NPAS3: variants seen among roughly 807,000 people sequenced by gnomAD.
The protein encoded by NPAS3 is neuronal PAS domain protein 3, also known as neuronal PAS domain-containing protein 3.
Under a neutral mutation model 73.1 loss-of-function variants are expected in NPAS3, and 14 were observed. The ratio of observed to expected loss-of-function variants is 0.19; its 90% CI spans 0.13 to 0.30. The LOEUF is 0.30. Ranked by LOEUF, NPAS3 falls within the 10% of genes least tolerant of loss-of-function variation. The pLI, the probability that NPAS3 is intolerant of heterozygous loss-of-function variation, is 1.00. For synonymous variants in NPAS3, 620 were observed against 541.5 expected (o/e 1.14, Z -2.01); for missense variants, 1,096 against 1,250.0 (o/e 0.88, Z 1.86).
In NPAS3 at chr14:33,558,635, C is replaced by A. The variant is rs568008850; in HGVS notation, c.469-1486C>A. 4.7e-3 allele frequency among the ~76,000 whole-genome samples: 711 copies of A among 151,242 alleles called. 6 individuals carry two copies. Among genetic ancestry groups the A allele is most frequent in the African/African-American group, 0.016 (680 of 41,270 alleles). ...ATCTGTATGCATACATATATATACACATATATATATAAGAATATATATAAT... is the reference window on the plus strand; with the variant it reads ...ATCTGTATGCATACATATATATACAAATATATATATAAGAATATATATAAT... On this transcript the variant is annotated intron_variant, in intron 4 of 11. Coordinates refer to ENST00000356141, the Ensembl canonical transcript of NPAS3.
chr14:33,285,612 C>T (rs1435772265), intron 3 of NPAS3, among the ~76,000 whole-genome samples: 1 of 152,146 alleles, frequency 6.6e-6, no homozygotes, highest in African/African-American at 2.4e-5. Context: ...ACCACAATAA[C>T]AACACAATAT....
chr14:33,219,155 T>A (rs1259949167), intron 3 of NPAS3, among the ~76,000 whole-genome samples: 1 of 152,192 alleles, frequency 6.6e-6, no homozygotes, highest in Non-Finnish European at 1.5e-5. Flanking sequence ...TTTAAAGAAA[T>A]CTCATTGTGG....
rs1249274572 is a variant in NPAS3, at chr14:33,326,494, A to C, written c.386-40692A>C. On this transcript the variant is annotated intron_variant, in intron 3 of 11. Coordinates refer to ENST00000356141, the Ensembl canonical transcript of NPAS3. ...TCTCCTTATCTGAGAAATGGGGACC[A>C]ATAAAGCTTGTTTTCGTTTACTTTT... Among the ~76,000 whole-genome samples, 3 of 152,228 alleles carry C rather than the reference A, an allele frequency of 2.0e-5. No individual in the cohort carries two copies. The East Asian group carries it at 5.8e-4, about 29-fold the overall frequency.
chr14:33,563,319 C>A (rs879399111), intron 5 of NPAS3, among the ~76,000 whole-genome samples: 29 of 151,826 alleles, frequency 1.9e-4, no homozygotes, highest in African/African-American at 5.8e-4. Flanking sequence ...TGTTGTGTAG[C>A]ATGGGGATAG....
chr14:33,581,575 G>A (rs1028988223), intron 5 of NPAS3, among the ~76,000 whole-genome samples: 3 of 151,892 alleles, frequency 2.0e-5, no homozygotes, highest in African/African-American at 4.8e-5. Context: ...TACTATGGGC[G>A]TTTTTGTCTT....
intron 2 of NPAS3, among the ~76,000 whole-genome samples, chr14:33,114,813 AAAG>A (rs1249436412): frequency 6.6e-6 from 1 of 152,200 alleles, no homozygotes; most frequent in Non-Finnish European, 1.5e-5. Context: ...TTCTAATGTA[AAAG>A]AAGTCTCAAC....
At chr14:33,515,108 A>G (rs117327539) in intron 4 of NPAS3, among the ~76,000 whole-genome samples, 2,127 of 152,082 alleles carry the variant, frequency 0.014, 26 homozygotes, top group Non-Finnish European at 0.018. Context: ...CGAGCCAATT[A>G]TTCTCATATT....
intron 5 of NPAS3, among the ~76,000 whole-genome samples, chr14:33,664,259 G>A (rs891254049): frequency 6.6e-6 from 1 of 152,164 alleles, no homozygotes; most frequent in Non-Finnish European, 1.5e-5. Context: ...ACAAAAGCAA[G>A]CAATGGGGAA....
intron 7 of NPAS3, among the ~76,000 whole-genome samples, chr14:33,762,200 T>TG (rs890661776): frequency 3.8e-4 from 58 of 152,342 alleles, no homozygotes; most frequent in African/African-American, 1.3e-3. Context: ...TGCTAAACCA[T>TG]GAATCATAAA....
chr14:32,950,935 T>G (rs1456837524), intron 1 of NPAS3, among the ~76,000 whole-genome samples: 1 of 152,116 alleles, frequency 6.6e-6, no homozygotes, highest in East Asian at 1.9e-4. Context: ...AATCTTTGTG[T>G]ACAACAATGG....
chr14:33,126,098 G>A (rs1300593427), intron 2 of NPAS3, among the ~76,000 whole-genome samples: 1 of 152,176 alleles, frequency 6.6e-6, no homozygotes, highest in Non-Finnish European at 1.5e-5. Context: ...GAGCCCCATA[G>A]CATGCTAGTT....
chr14:33,421,268 G>A (rs1029516607), intron 4 of NPAS3, among the ~76,000 whole-genome samples: 2 of 151,752 alleles, frequency 1.3e-5, no homozygotes, highest in African/African-American at 2.4e-5. Context: ...CCCAGTATAG[G>A]ACCATCCCAA....
chr14:33,597,752 A>T (rs10135134), intron 5 of NPAS3, among the ~76,000 whole-genome samples: 6,447 of 152,312 alleles, frequency 0.042, 310 homozygotes, highest in African/African-American at 0.11. Context: ...CTGTCCACCT[A>T]GAGGTGATCA....
At chr14:33,082,730 G>A (rs1474043631) in intron 2 of NPAS3, among the ~76,000 whole-genome samples, 1 of 152,088 alleles carries the variant, frequency 6.6e-6, no homozygotes, top group Non-Finnish European at 1.5e-5. Flanking sequence ...TGCCACTTGG[G>A]GCCTTAAAGC....
chr14:33,229,888 C>T (rs552240208), intron 3 of NPAS3, among the ~76,000 whole-genome samples: 3 of 152,276 alleles, frequency 2.0e-5, no homozygotes, highest in South Asian at 2.1e-4. Flanking sequence ...TAGATTCATA[C>T]GAATTGTAAG....
chr14:33,793,982 C>T (rs767584584), exon 10 of NPAS3: 22 of 1,613,660 alleles, frequency 1.4e-5, no homozygotes, highest in Non-Finnish European at 1.9e-5. Flanking sequence ...CCAGTGCCAC[C>T]ATAGCTATTA....
intron 3 of NPAS3, among the ~76,000 whole-genome samples, chr14:33,290,692 G>GCATGTTGAATTTTTTAAAATTT (rs2042064764): frequency 6.6e-6 from 1 of 152,170 alleles, no homozygotes. Context: ...TTTTAAAATT[G>GCATGTTGAATTTTTTAAAATTT]CATGTTGAAT....
At chr14:33,801,248 CCT>C, downstream of NPAS3, 8 of 1,441,778 alleles carry the variant, frequency 5.5e-6, no homozygotes, top group Non-Finnish European at 7.3e-6. Context: ...CATTCCACCC[CCT>C]CTTTCTTTCA....
chr14:33,617,813 C>A (rs973176721), intron 5 of NPAS3, among the ~76,000 whole-genome samples: 1 of 152,090 alleles, frequency 6.6e-6, no homozygotes, highest in Non-Finnish European at 1.5e-5. Context: ...AGACAAAGAC[C>A]ATTCTTTCAT....
Sources: gnomAD v4.1 joint callset for allele counts (sites outside exome capture counted in the v4.1 genomes callset) on GRCh38, gnomAD v4.1.1 for gene constraint, MANE v1.5 for transcripts, NCBI Gene and HGNC (gene_info 2026-07-23, HGNC 2026-07-21) for gene names.